PTK2: variants seen among roughly 807,000 people sequenced by gnomAD.
PTK2 encodes protein tyrosine kinase 2.
In PTK2, 45 loss-of-function variants were observed where a neutral mutation model predicts 150.1. That is an observed-to-expected ratio of 0.30 (90% CI 0.24 to 0.38). The LOEUF is 0.38. Among genes scored for constraint, PTK2 ranks in the 10% least tolerant of loss-of-function variants. The pLI, the probability that PTK2 is intolerant of heterozygous loss-of-function variation, is 1.00. For synonymous variants in PTK2, 432 were observed against 449.2 expected, an observed-to-expected ratio of 0.96 and a Z score of 0.48; for missense variants, 919 against 1,307.3, an observed-to-expected ratio of 0.70 and a Z score of 4.58.
intron 14 of PTK2, 119 bp downstream of exon 14, chr8:140,789,355 C>T: frequency 1.1e-6 from 1 of 926,438 alleles, no homozygotes. Context: ...ATTTGGATAG[C>T]CAGAATGCTT....
At chr8:140,820,698 G>A (rs2100108021) in intron 8 of PTK2, 1 of 152,028 alleles carries the variant, frequency 6.6e-6, no homozygotes, top group African/African-American at 2.4e-5. Context: ...CAGAAATTGT[G>A]AGAGGAGCAG....
chr8:140,953,703 G>T (rs78688735), intron 1 of PTK2, among the ~76,000 whole-genome samples: 4 of 152,188 alleles, frequency 2.6e-5, no homozygotes, highest in South Asian at 2.1e-4. Flanking sequence ...CCACAGACTG[G>T]GGGGAGGGAG....
At chr8:140,998,379 T>G (rs549063004) in intron 1 of PTK2, among the ~76,000 whole-genome samples, 10 of 152,188 alleles carry the variant, frequency 6.6e-5, no homozygotes, top group Non-Finnish European at 1.3e-4. Context: ...TTTAGAGATA[T>G]GAACTAAGAT....
intron 31 of PTK2, among the ~76,000 whole-genome samples, chr8:140,660,374 C>T (rs1288517509): frequency 1.3e-5 from 2 of 152,208 alleles, no homozygotes; most frequent in African/African-American, 4.8e-5. Flanking sequence ...TGGTCTTATG[C>T]TTTCTACTAT....
At chr8:140,928,064 CATAA>C (rs947207684) in intron 1 of PTK2, among the ~76,000 whole-genome samples, 6 of 139,200 alleles carry the variant, frequency 4.3e-5, no homozygotes, top group African/African-American at 1.3e-4. Context: ...AAGCAACAGA[CATAA>C]ATAAGACAGC....
intron 14 of PTK2, 185 bp from the exon 17 acceptor site, chr8:140,764,475 C>T (rs1471972003): frequency 3.4e-6 from 2 of 592,790 alleles, no homozygotes; most frequent in East Asian, 5.5e-5. Context: ...ACATCATTGT[C>T]CAATACGTTA....
chr8:140,927,960 A>G (rs1220204680), intron 1 of PTK2, among the ~76,000 whole-genome samples: 22 of 28,794 alleles, frequency 7.6e-4, no homozygotes, highest in East Asian at 2.8e-3. Flanking sequence ...AAAAAAAAGA[A>G]AAAAAAAAAA....
Position 140,674,434 on chromosome 8 carries a change from C to T in PTK2, c.2603-30G>A, listed in dbSNP as rs1305342195. Reference sequence around the variant, plus strand: ...TGAGAGAGAATGATTCCCATTAAGTCATGTGCGTTAAGAAAGATTAAGAGG... The same window carrying T: ...TGAGAGAGAATGATTCCCATTAAGTTATGTGCGTTAAGAAAGATTAAGAGG... On this transcript the variant is annotated intron_variant, in intron 28 of 31. Coordinates refer to ENST00000522684, the Ensembl canonical transcript of PTK2. The T allele has an allele frequency of 1.1e-5, 17 of 1,545,016 alleles. No individual in the cohort carries two copies. The Admixed American group carries it at 3.1e-4, about 28-fold the overall frequency.
intron 29 of PTK2, among the ~76,000 whole-genome samples, chr8:140,671,499 C>A (rs141098780): frequency 6.6e-6 from 1 of 152,218 alleles, no homozygotes; most frequent in South Asian, 2.1e-4. Context: ...GAATTACAGG[C>A]GTGAGCCACT....
intron 1 of PTK2, among the ~76,000 whole-genome samples, chr8:140,966,183 T>A (rs1229806893): frequency 1.3e-5 from 2 of 152,198 alleles, no homozygotes; most frequent in Non-Finnish European, 2.9e-5. Flanking sequence ...TACTTTTTGT[T>A]CACCATTGTA....
intron 22 of PTK2, among the ~76,000 whole-genome samples, chr8:140,728,709 C>CG (rs1176947010): frequency 2.0e-5 from 3 of 152,018 alleles, no homozygotes; most frequent in African/African-American, 4.8e-5. Context: ...TTAGTAGAGG[C>CG]GGGGTTTTAC....
At chr8:140,850,696 C>A (rs1214824678) in intron 5 of PTK2, among the ~76,000 whole-genome samples, 2 of 152,186 alleles carry the variant, frequency 1.3e-5, no homozygotes, top group Admixed American at 1.3e-4. Flanking sequence ...TGTCACTGCA[C>A]TCCAGCCTGG....
At chr8:140,712,554 G>A (rs2100037404) in intron 23 of PTK2, among the ~76,000 whole-genome samples, 1 of 152,020 alleles carries the variant, frequency 6.6e-6, no homozygotes, top group African/African-American at 2.4e-5. Context: ...ATAGAATTAA[G>A]GGGGGAAAAA....
chr8:140,825,819 A>T (rs1408224289), intron 8 of PTK2, among the ~76,000 whole-genome samples: 2 of 152,240 alleles, frequency 1.3e-5, no homozygotes, highest in African/African-American at 4.8e-5. Context: ...TTTCAAGAGT[A>T]ATCATCAGAA....
At chr8:140,674,784 C>T (rs1304243785) in intron 28 of PTK2, among the ~76,000 whole-genome samples, 9 of 150,968 alleles carry the variant, frequency 6.0e-5, no homozygotes, top group Non-Finnish European at 1.3e-4. Flanking sequence ...CAGTGGCTCA[C>T]GCCTGTAATC....
In PTK2 at chr8:140,892,343, T is replaced by A. The variant is rs531230218; in HGVS notation, c.-32-1574A>T. ...TGAGCCCAAAGGTTCAAGACCAGCC[T>A]AGCCAACTTGGCAAAACCCATCTCT... is the stretch of plus-strand genomic sequence containing the variant. On this transcript the variant is annotated intron_variant, in intron 2 of 31. Coordinates refer to ENST00000522684, the Ensembl canonical transcript of PTK2. Among the ~76,000 whole-genome samples, 169 of 152,260 alleles carry A rather than the reference T, an allele frequency of 1.1e-3. 2 individuals are homozygous for A. The highest frequency in any genetic ancestry group is 2.7e-3 in the Admixed American group (42 of 15,288).
chr8:140,694,019 A>C (rs1279980220), intron 26 of PTK2, among the ~76,000 whole-genome samples: 1 of 151,738 alleles, frequency 6.6e-6, no homozygotes, highest in South Asian at 2.1e-4. Flanking sequence ...ACAGAAGCTA[A>C]GCATCTTTTT....
exon 32 of PTK2, chr8:140,659,147 G>A (rs2076000232): frequency 2.9e-6 from 1 of 346,338 alleles, no homozygotes; most frequent in East Asian, 4.9e-5. Context: ...TCCCCCTTTA[G>A]AACGTATCTT....
At chr8:140,706,983 A>G (rs2100034175) in intron 23 of PTK2, among the ~76,000 whole-genome samples, 1 of 152,260 alleles carries the variant, frequency 6.6e-6, no homozygotes, top group East Asian at 1.9e-4. Flanking sequence ...TGGATAAACA[A>G]AATGCTGTAT....
Sources: allele counts gnomAD v4.1 joint callset (sites outside exome capture counted in the v4.1 genomes callset), GRCh38; gene constraint gnomAD v4.1.1; transcripts MANE v1.5; gene names NCBI Gene and HGNC (gene_info 2026-07-23, HGNC 2026-07-21).